ACVR1B: variants seen among roughly 807,000 people sequenced by gnomAD.
The protein encoded by ACVR1B is activin receptor type-1B.
ACVR1B carries 15 observed loss-of-function variants against 55.6 expected under a neutral mutation model. The observed-to-expected ratio is 0.27, with a 90% confidence interval of 0.18 to 0.42. The LOEUF (loss-of-function observed/expected upper bound fraction) is 0.42, where lower values mean the gene tolerates loss of function less well. Ranked by LOEUF, ACVR1B falls within the 10% of genes least tolerant of loss-of-function variation. The probability of loss-of-function intolerance (pLI) is 1.00; values close to 1 mark genes in which losing one functional copy is unlikely to be tolerated. For synonymous variants in ACVR1B, 247 were observed against 254.6 expected, an observed-to-expected ratio of 0.97 and a Z score of 0.28; for missense variants, 359 against 670.1, an observed-to-expected ratio of 0.54 and a Z score of 5.13.
intron 1 of ACVR1B, among the ~76,000 whole-genome samples, chr12:51,962,625 G>GC (rs1031369946): frequency 6.6e-6 from 1 of 151,828 alleles, no homozygotes; most frequent in Admixed American, 6.6e-5. Context: ...TTGCCTTCCT[G>GC]CCCCCCAAGA....
In ACVR1B at chr12:51,994,968, C is replaced by T. The variant is rs1942273302; in HGVS notation, c.*858C>T. ...CCACCCCAGCATCAGCACAGCTCTC[C>T]TCCTCCATCTCAGACTGTGGAACCA... is the stretch of plus-strand genomic sequence containing the variant. On this transcript the variant is annotated 3_prime_UTR_variant, in exon 9 of 9. Transcript: ENST00000257963. This position sits in a 1 kb window ranked among gnomAD's most constrained non-coding sequence, Gnocchi z 4.2. 1 of 152,798 alleles carries T rather than the reference C, an allele frequency of 6.5e-6. No individual in the cohort carries two copies. Among genetic ancestry groups the T allele is most frequent in the African/African-American group, 2.4e-5 (1 of 41,428 alleles). The allele number at this position is 152,798 out of a possible 1,614,324, so 9.5% of individuals were successfully genotyped here.
In ACVR1B at chr12:51,976,465, A is replaced by C. The variant is rs1941859296; in HGVS notation, c.470A>C (p.His157Pro). The change falls in exon 3 of 9, where the codon CAC becomes CCC. Residue 157 changes from histidine to proline, a missense_variant. His to Pro is a moderately conservative substitution (Grantham distance 77, BLOSUM62 -2). This residue lies in a region of ACVR1B where 133 missense variants were observed against 188.2 expected (regional missense o/e 0.71). Transcript: ENST00000257963. The stretch of plus-strand genomic sequence containing the variant: ...ATTAACTATCATCAGCGTGTCTATC[A>C]CAACCGCCAGAGACTGGACATGGAA... ...LVINYHQRVY[H>P]NRQRLDMEDP... 1 of 1,614,104 alleles carries C rather than the reference A, an allele frequency of 6.2e-7. No individual in the cohort carries two copies.
intron 8 of ACVR1B, among the ~76,000 whole-genome samples, chr12:51,993,342 A>G (rs963154559): frequency 6.6e-6 from 1 of 152,218 alleles, no homozygotes; most frequent in African/African-American, 2.4e-5. Context: ...GTGTTGCATC[A>G]TAGAGCAGCA....
rs1201707720 is a variant in ACVR1B at position 51,994,846 on chromosome 12, A to G, written c.*736A>G. ...CTGGTGCCTCTTTTCAGTAGTGAGC[A>G]GCATCTAGTTTCCCTGGTGCCCTTC... On this transcript the variant is annotated 3_prime_UTR_variant, in exon 9 of 9. Transcript: ENST00000257963. The surrounding 1 kb of genome is among the most constrained non-coding windows in gnomAD (Gnocchi z 4.2). 1 of 153,038 alleles carries G rather than the reference A, an allele frequency of 6.5e-6. No homozygotes were observed. Among genetic ancestry groups the G allele is most frequent in the African/African-American group, 2.4e-5 (1 of 41,396 alleles). 9.5% of individuals were successfully genotyped at this position (153,038 alleles called of 1,614,324 possible).
intron 8 of ACVR1B, chr12:51,992,228 G>A: frequency 1.7e-6 from 1 of 571,574 alleles, no homozygotes; most frequent in Admixed American, 3.2e-5. Context: ...CTTTGGGCCT[G>A]GTGTGGTGGC....
intron 6 of ACVR1B, among the ~76,000 whole-genome samples, chr12:51,986,588 A>G (rs1394682136): frequency 6.6e-6 from 1 of 152,246 alleles, no homozygotes; most frequent in African/African-American, 2.4e-5. Context: ...GGTTAAAAAT[A>G]GAGATACACA....
chr12:51,979,253 G>A (rs1422426129), intron 3 of ACVR1B, among the ~76,000 whole-genome samples: 1 of 151,114 alleles, frequency 6.6e-6, no homozygotes, highest in African/African-American at 2.4e-5. Context: ...ATCACCTCAG[G>A]TCAGGAGTTC....
intron 4 of ACVR1B, chr12:51,982,586 G>A: frequency 2.3e-6 from 3 of 1,325,770 alleles, no homozygotes; most frequent in Non-Finnish European, 2.0e-6. Flanking sequence ...CTCTCTAGCA[G>A]TTGTGACATG....
chr12:51,991,781 C>CAGGTATTT (rs1180992023), intron 7 of ACVR1B, 82 bp from the exon 8 acceptor site: 10 of 1,457,524 alleles, frequency 6.9e-6, no homozygotes, highest in Non-Finnish European at 8.4e-6. Flanking sequence ...ATTTACAGAG[C>CAGGTATTT]ACAGTGTAGG....
chr12:51,954,915 G>A (rs1247937754), intron 1 of ACVR1B, among the ~76,000 whole-genome samples: 1 of 152,220 alleles, frequency 6.6e-6, no homozygotes, highest in Non-Finnish European at 1.5e-5. Flanking sequence ...GTGATTGATA[G>A]ACGTACAGCA....
chr12:51,961,375 G>C (rs951537392), intron 1 of ACVR1B, among the ~76,000 whole-genome samples: 32 of 147,030 alleles, frequency 2.2e-4, no homozygotes, highest in African/African-American at 7.3e-4. Context: ...TTGCTCTAAT[G>C]TTATTATAAT....
chr12:51,988,212 G>A (rs141186353), intron 7 of ACVR1B, among the ~76,000 whole-genome samples: 38 of 152,320 alleles, frequency 2.5e-4, no homozygotes, highest in African/African-American at 8.2e-4. Flanking sequence ...GCTCACGCTT[G>A]TAATCCCCAG....
chr12:51,957,472 C>T (rs1028945098), intron 1 of ACVR1B, among the ~76,000 whole-genome samples: 3 of 147,802 alleles, frequency 2.0e-5, no homozygotes, highest in Non-Finnish European at 4.5e-5. Flanking sequence ...CCAAAAACAT[C>T]ATAGCTCACT....
At chr12:51,992,047 A>G in intron 8 of ACVR1B, 54 bp downstream of exon 8, 1 of 1,613,458 alleles carries the variant, frequency 6.2e-7, no homozygotes, top group Non-Finnish European at 8.5e-7. Flanking sequence ...TCCACCTTAG[A>G]AAAGGGTTTC....
intron 1 of ACVR1B, among the ~76,000 whole-genome samples, chr12:51,972,252 T>C (rs763747504): frequency 2.6e-5 from 4 of 152,138 alleles, no homozygotes; most frequent in Non-Finnish European, 5.9e-5. Flanking sequence ...AAAAAATAGA[T>C]ATATATTTCT....
chr12:51,985,183 C>G lies in ACVR1B; in HGVS notation c.980-9C>G, dbSNP rs985218146. 8.8e-6 allele frequency: 14 copies of G among 1,595,394 alleles called. No homozygotes were observed. The highest frequency in any genetic ancestry group is 1.2e-5 in the Non-Finnish European group (14 of 1,173,072). On this transcript the variant is annotated splice_polypyrimidine_tract_variant and intron_variant, in intron 5 of 8. Coordinates refer to ENST00000257963, the MANE Select transcript of ACVR1B (RefSeq NM_004302.5). ...TCTTTGTAAAGATCCCTGTTTTTTT[C>G]TCTGCCAGGGAAGCCTGGAATTGCT...
intron 1 of ACVR1B, among the ~76,000 whole-genome samples, chr12:51,968,740 G>GC (rs146013720): frequency 0.018 from 2,760 of 152,302 alleles, 27 homozygotes; most frequent in Non-Finnish European, 0.022. Context: ...AGGAGCCTAA[G>GC]CTAACCTAAG....
intron 1 of ACVR1B, among the ~76,000 whole-genome samples, chr12:51,966,024 C>T (rs1941632952): frequency 6.6e-6 from 1 of 151,386 alleles, no homozygotes; most frequent in Non-Finnish European, 1.5e-5. Flanking sequence ...GAGGGAATAC[C>T]TACACAGGAC....
intron 4 of ACVR1B, chr12:51,982,681 A>G (rs1286737432): frequency 6.6e-7 from 1 of 1,517,272 alleles, no homozygotes; most frequent in Admixed American, 2.2e-5. Flanking sequence ...TTCCTGAAAC[A>G]ACAGCAGACT....
Sources: gnomAD v4.1 joint callset for allele counts (sites outside exome capture counted in the v4.1 genomes callset) on GRCh38, gnomAD v4.1.1 for gene constraint, gnomAD v4.1.1 regional missense constraint, Gnocchi (gnomAD v3.1) non-coding constraint, MANE v1.5 for transcripts, NCBI Gene and HGNC (gene_info 2026-07-23, HGNC 2026-07-21) for gene names.